Variants in POU6F2 observed in about 807,000 individuals in gnomAD.
The protein encoded by POU6F2 is POU domain, class 6, transcription factor 2.
Under a neutral mutation model 71.3 loss-of-function variants are expected in POU6F2, and 31 were observed. That is an observed-to-expected ratio of 0.43 (90% CI 0.33 to 0.59). POU6F2 has a LOEUF of 0.59. Ranked by LOEUF, POU6F2 falls within the 20% of genes least tolerant of loss-of-function variation. POU6F2 has a pLI of 0.04. For synonymous variants in POU6F2, 347 were observed against 355.7 expected (o/e 0.98, Z 0.27); for missense variants, 783 against 856.8 (o/e 0.91, Z 1.07).
chr7:39,118,743 T>A (rs1791982398), intron 2 of POU6F2, among the ~76,000 whole-genome samples: 1 of 152,018 alleles, frequency 6.6e-6, no homozygotes, highest in Non-Finnish European at 1.5e-5. Context: ...CAAAAATAAT[T>A]TCTCATAAAC....
chr7:39,193,258 T>C (rs1793707976), intron 2 of POU6F2, among the ~76,000 whole-genome samples: 1 of 152,084 alleles, frequency 6.6e-6, no homozygotes, highest in Non-Finnish European at 1.5e-5. Flanking sequence ...CAAGTTTTCC[T>C]GGGGAAAAAA....
At chr7:39,048,484 C>T (rs545410357) in intron 1 of POU6F2, among the ~76,000 whole-genome samples, 51 of 151,824 alleles carry the variant, frequency 3.4e-4, no homozygotes, top group Non-Finnish European at 5.0e-4. Flanking sequence ...GGACAATGGC[C>T]TCCAGCTCCA....
intron 5 of POU6F2, among the ~76,000 whole-genome samples, chr7:39,379,754 C>G (rs1786789454): frequency 6.6e-6 from 1 of 152,182 alleles, no homozygotes; most frequent in African/African-American, 2.4e-5. Flanking sequence ...TCCTGCCTTG[C>G]CCTCCTATCA....
chr7:39,145,717 C>T (rs1227556259), intron 2 of POU6F2, among the ~76,000 whole-genome samples: 1 of 152,104 alleles, frequency 6.6e-6, no homozygotes, highest in Non-Finnish European at 1.5e-5. Flanking sequence ...AGACTTCTCA[C>T]CCCTTTCTCA....
At position 39,465,032 on chromosome 7, in the gene POU6F2, C is replaced by A; in HGVS notation, c.*346C>A. On this transcript the variant is annotated 3_prime_UTR_variant, in exon 10 of 10. Coordinates refer to ENST00000518318, the MANE Select transcript of POU6F2 (RefSeq NM_001370959.1). Reference sequence around the variant, plus strand: ...AAACCAAATAACCACGTACTTTTTTCTGTATATTATGAAAATGTGAACACA... The same window carrying A: ...AAACCAAATAACCACGTACTTTTTTATGTATATTATGAAAATGTGAACACA... 5.0e-6 allele frequency: 1 copy of A among 201,930 alleles called. No homozygotes were observed. Among genetic ancestry groups the A allele is most frequent in the Non-Finnish European group, 1.0e-5 (1 of 100,054 alleles). 12.5% of individuals were successfully genotyped at this position (201,930 alleles called of 1,614,324 possible).
chr7:39,466,686 A>G lies in POU6F2; in HGVS notation c.*2000A>G, dbSNP rs533128102. ...TGCTACAGTATAATTGTCCCCTCCA[A>G]TGATTCATGCAGCAATCAAGAGACT... On this transcript the variant is annotated 3_prime_UTR_variant, in exon 10 of 10. Transcript: ENST00000518318. The G allele has an allele frequency of 2.6e-5, 4 of 152,298 alleles. No homozygotes were observed. The highest frequency in any genetic ancestry group is 1.9e-4 in the East Asian group (1 of 5,186). 9.4% of individuals were successfully genotyped at this position (152,298 alleles called of 1,614,324 possible).
intron 8 of POU6F2, among the ~76,000 whole-genome samples, chr7:39,454,928 T>G (rs922597010): frequency 6.6e-6 from 1 of 151,290 alleles, no homozygotes; most frequent in Admixed American, 6.6e-5. Context: ...GGTTAATACC[T>G]TAGTAATGAT....
chr7:39,264,803 T>C (rs1022029323), intron 4 of POU6F2, among the ~76,000 whole-genome samples: 5 of 152,174 alleles, frequency 3.3e-5, no homozygotes, highest in African/African-American at 1.2e-4. Flanking sequence ...TGTACAGATA[T>C]ATATACACAT....
chr7:39,000,746 G>C (rs1788882434), intron 1 of POU6F2, among the ~76,000 whole-genome samples: 1 of 152,136 alleles, frequency 6.6e-6, no homozygotes, highest in Non-Finnish European at 1.5e-5. Flanking sequence ...GGTCAACAGA[G>C]ACTTGACTTC....
chr7:38,983,491 T>C (rs115739670), intron 1 of POU6F2, among the ~76,000 whole-genome samples: 66 of 152,152 alleles, frequency 4.3e-4, no homozygotes, highest in African/African-American at 1.5e-3. Context: ...TGTTGAGCCA[T>C]ATTGTCTTAA....
At position 39,225,533 on chromosome 7, in the gene POU6F2, T is replaced by A. The variant is rs539448140; in HGVS notation, c.598+17913T>A. 3.3e-5 allele frequency among the ~76,000 whole-genome samples: 5 copies of A among 152,298 alleles called. No homozygotes were observed. In the South Asian group the frequency reaches 1.0e-3, roughly 32 times the overall value. ...CTGGATTTCGAAGCATGTTACCTTT[T>A]CTGTCTGAATATTTCTGAAGAATTC... On this transcript the variant is annotated intron_variant, in intron 4 of 9. Coordinates refer to ENST00000518318, the MANE Select transcript of POU6F2 (RefSeq NM_001370959.1).
At chr7:39,093,527 G>A (rs1791395803) in intron 2 of POU6F2, among the ~76,000 whole-genome samples, 1 of 152,060 alleles carries the variant, frequency 6.6e-6, no homozygotes, top group South Asian at 2.1e-4. Context: ...CGTGTATCCT[G>A]CCATATATTG....
intron 4 of POU6F2, among the ~76,000 whole-genome samples, chr7:39,319,018 G>A (rs575961552): frequency 6.6e-6 from 1 of 152,228 alleles, no homozygotes; most frequent in South Asian, 2.1e-4. Context: ...GGTGCATGCA[G>A]GTACTAGAGG....
rs929733729 is a variant in POU6F2, at chr7:39,466,553, A to G, written c.*1867A>G. The G allele has an allele frequency of 6.6e-6, 1 of 152,208 alleles. No individual in the cohort carries two copies. Among genetic ancestry groups the G allele is most frequent in the African/African-American group, 2.4e-5 (1 of 41,460 alleles). The allele number at this position is 152,208 out of a possible 1,614,324, so 9.4% of individuals were successfully genotyped here. On this transcript the variant is annotated 3_prime_UTR_variant, in exon 10 of 10. Coordinates refer to ENST00000518318, the MANE Select transcript of POU6F2 (RefSeq NM_001370959.1). ...TTGTGAAAGAAAAAAGAGAAACCCA[A>G]TCTCAAGTTGCCCAACTGATTAGAA...
intron 4 of POU6F2, among the ~76,000 whole-genome samples, chr7:39,259,712 G>A (rs1009932994): frequency 1.3e-5 from 2 of 151,700 alleles, no homozygotes; most frequent in East Asian, 1.9e-4. Context: ...ATCCTCCCTG[G>A]GCTGCTCCAG....
chr7:39,021,780 G>C (rs1039988177), intron 1 of POU6F2, among the ~76,000 whole-genome samples: 1 of 151,958 alleles, frequency 6.6e-6, no homozygotes, highest in African/African-American at 2.4e-5. Context: ...ATTTACATGG[G>C]AATAAAATTC....
chr7:39,037,062 A>G (rs1412139692), intron 1 of POU6F2, among the ~76,000 whole-genome samples: 2 of 152,050 alleles, frequency 1.3e-5, no homozygotes, highest in Non-Finnish European at 2.9e-5. Context: ...TCCTCATTTG[A>G]AAAATGAATT....
At chr7:39,392,457 C>A (rs1270207999) in intron 5 of POU6F2, among the ~76,000 whole-genome samples, 1 of 152,324 alleles carries the variant, frequency 6.6e-6, no homozygotes, top group East Asian at 1.9e-4. Flanking sequence ...TTCAGAGAAG[C>A]TGAGCGTTCT....
chr7:39,387,752 A>C (rs1440655117), intron 5 of POU6F2, among the ~76,000 whole-genome samples: 1 of 152,230 alleles, frequency 6.6e-6, no homozygotes, highest in Non-Finnish European at 1.5e-5. Flanking sequence ...ATAGTCATGG[A>C]ACATTATGCT....
Sources: gnomAD v4.1 joint callset for allele counts (sites outside exome capture counted in the v4.1 genomes callset) on GRCh38, gnomAD v4.1.1 for gene constraint, MANE v1.5 for transcripts, NCBI Gene and HGNC (gene_info 2026-07-23, HGNC 2026-07-21) for gene names.